Variants in RASGEF1C observed in about 807,000 individuals in gnomAD.
RASGEF1C encodes ras-GEF domain-containing family member 1C.
In RASGEF1C, 27 loss-of-function variants were observed where a neutral mutation model predicts 58.1. That is an observed-to-expected ratio of 0.46 (90% confidence interval 0.34 to 0.64). RASGEF1C has a LOEUF of 0.64. RASGEF1C is among the 30% of genes least tolerant of loss of function. RASGEF1C has a pLI of 0.01. For missense variants in RASGEF1C, 502 were observed against 605.1 expected (o/e 0.83, Z 1.79); for synonymous variants, 243 against 246.3 (o/e 0.99, Z 0.13).
chr5:180,147,223 T>C (rs1766672084), intron 1 of RASGEF1C, among the ~76,000 whole-genome samples: 1 of 151,312 alleles, frequency 6.6e-6, no homozygotes, highest in Non-Finnish European at 1.5e-5. Flanking sequence ...TAAAGGTTTG[T>C]CAATTTTGTT....
intron 1 of RASGEF1C, among the ~76,000 whole-genome samples, chr5:180,161,263 G>C (rs1766939243): frequency 6.6e-6 from 1 of 152,234 alleles, no homozygotes; most frequent in African/African-American, 2.4e-5. Context: ...CTGAGGACGT[G>C]GGCTGCAGTG....
rs540779520 is a variant in RASGEF1C at position 180,121,296 on chromosome 5, C to G, written c.715-147G>C. The G allele has an allele frequency of 6.7e-6, 4 of 599,104 alleles. No homozygotes were observed. In the South Asian group the frequency reaches 8.6e-5, roughly 13 times the overall value. 37.1% of individuals were successfully genotyped at this position (599,104 alleles called of 1,614,324 possible). A position where few individuals can be genotyped will look rare whatever the true frequency, so the allele number is the denominator to read the frequency against. The stretch of plus-strand genomic sequence containing the variant: ...AAATACCAAAGATTTGGTATGTACG[C>G]TTTCAGTCCTCTTAAAAGTACATTT... On this transcript the variant is annotated intron_variant, in intron 6 of 13. Transcript: ENST00000361132.
chr5:180,175,968 A>T (rs1767218846), intron 1 of RASGEF1C, among the ~76,000 whole-genome samples: 1 of 152,244 alleles, frequency 6.6e-6, no homozygotes, highest in East Asian at 1.9e-4. Flanking sequence ...AGCCTGGGCG[A>T]CAGAGCGGGA....
At position 180,137,994 on chromosome 5, in the gene RASGEF1C, G is replaced by T; in HGVS notation, c.59C>A (p.Pro20His). 6.3e-7 allele frequency: 1 copy of T among 1,581,672 alleles called. No homozygotes were observed. The highest frequency in any genetic ancestry group is 8.5e-7 in the Non-Finnish European group (1 of 1,169,604). The change falls in exon 2 of 14, where the codon CCC becomes CAC. Residue 20 changes from proline to histidine, a missense_variant. Pro to His is a moderately conservative substitution (Grantham distance 77). Transcript: ENST00000361132. The surrounding 1 kb of genome is among the most constrained non-coding windows in gnomAD (Gnocchi z 4.1). ...MVTPGSLSPP[P>H]TEPTDGEQAG... ...CTGTTCGCCATCTGTGGGCTCGGTGGGGGGTGGGCTGAGGCTGCCTGGGGT... is the reference window on the plus strand; with the variant it reads ...CTGTTCGCCATCTGTGGGCTCGGTGTGGGGTGGGCTGAGGCTGCCTGGGGT...
intron 1 of RASGEF1C, among the ~76,000 whole-genome samples, chr5:180,170,308 G>T (rs377395438): frequency 6.6e-6 from 1 of 152,128 alleles, no homozygotes; most frequent in Non-Finnish European, 1.5e-5. Flanking sequence ...CCATAGGGCC[G>T]CCAGCCAGGA....
chr5:180,195,980 A>G (rs1414802744), intron 1 of RASGEF1C, among the ~76,000 whole-genome samples: 1 of 152,130 alleles, frequency 6.6e-6, no homozygotes, highest in African/African-American at 2.4e-5. Flanking sequence ...ATGGTGTACA[A>G]TGTGATGTTT....
chr5:180,104,558 A>G (rs1445089052), intron 12 of RASGEF1C, among the ~76,000 whole-genome samples: 1 of 152,152 alleles, frequency 6.6e-6, no homozygotes, highest in African/African-American at 2.4e-5. Context: ...TACCCAGTCT[A>G]AGGTATTTTG....
chr5:180,190,592 T>C (rs1356281929), intron 1 of RASGEF1C, among the ~76,000 whole-genome samples: 1 of 147,098 alleles, frequency 6.8e-6, no homozygotes. Flanking sequence ...AGTAGGAGAA[T>C]TGCTGAGCAA....
intron 1 of RASGEF1C, among the ~76,000 whole-genome samples, chr5:180,173,806 G>A (rs761947401): frequency 2.0e-5 from 3 of 151,998 alleles, no homozygotes; most frequent in Admixed American, 2.0e-4. Flanking sequence ...CCAGCTGCTA[G>A]GGAGGCTGAG....
chr5:180,171,851 G>C (rs1227149672), intron 1 of RASGEF1C, among the ~76,000 whole-genome samples: 1 of 152,190 alleles, frequency 6.6e-6, no homozygotes, highest in Non-Finnish European at 1.5e-5. Flanking sequence ...GACCTGCTCG[G>C]CAGCCAGGGT....
At chr5:180,194,743 G>A (rs932558741) in intron 1 of RASGEF1C, among the ~76,000 whole-genome samples, 2 of 152,178 alleles carry the variant, frequency 1.3e-5, no homozygotes, top group Non-Finnish European at 2.9e-5. Context: ...ACGGGAGTAC[G>A]TCACAGGAGA....
At chr5:180,147,277 T>G (rs1766672874) in intron 1 of RASGEF1C, among the ~76,000 whole-genome samples, 1 of 150,578 alleles carries the variant, frequency 6.6e-6, no homozygotes, top group African/African-American at 2.4e-5. Flanking sequence ...AATTTTTTTC[T>G]ATTGTTTTTC....
chr5:180,109,230 G>T (rs567367457), intron 12 of RASGEF1C, among the ~76,000 whole-genome samples: 1 of 152,292 alleles, frequency 6.6e-6, no homozygotes, highest in African/African-American at 2.4e-5. Flanking sequence ...GCTGAGGCGG[G>T]TGGATCATGA....
intron 1 of RASGEF1C, among the ~76,000 whole-genome samples, chr5:180,181,834 T>C (rs1767334192): frequency 6.6e-6 from 1 of 152,330 alleles, no homozygotes; most frequent in East Asian, 1.9e-4. Flanking sequence ...GCAGGATGTC[T>C]TCATGCTATA....
At chr5:180,193,836 GCAGA>G (rs140087186) in intron 1 of RASGEF1C, among the ~76,000 whole-genome samples, 10,443 of 152,128 alleles carry the variant, frequency 0.069, 447 homozygotes, top group East Asian at 0.22. Flanking sequence ...TGAAGTTTAC[GCAGA>G]CAAAGTCCCC....
intron 1 of RASGEF1C, 42 bp from the exon 2 acceptor site, chr5:180,138,100 C>A: frequency 7.8e-7 from 1 of 1,276,264 alleles, no homozygotes; most frequent in Non-Finnish European, 1.1e-6. Flanking sequence ...TGGGGGCACA[C>A]CTGAGTTGGG....
intron 9 of RASGEF1C, 32 bp from the exon 10 acceptor site, chr5:180,118,736 T>C (rs900570931): frequency 6.8e-6 from 11 of 1,613,852 alleles, no homozygotes; most frequent in African/African-American, 1.3e-5. Flanking sequence ...TGTGGGCAGT[T>C]CTGTCCAGGG....
intron 11 of RASGEF1C, among the ~76,000 whole-genome samples, chr5:180,113,320 G>T (rs1582261666): frequency 4.7e-5 from 3 of 64,158 alleles, no homozygotes; most frequent in African/African-American, 6.3e-5. Context: ...ATGGACGGAG[G>T]GACCGGGGAT....
chr5:180,176,998 C>G (rs924091467), intron 1 of RASGEF1C, among the ~76,000 whole-genome samples: 1 of 152,220 alleles, frequency 6.6e-6, no homozygotes, highest in Admixed American at 6.5e-5. Flanking sequence ...GACAGGGCCC[C>G]TGGCCTGGCC....
Sources: gnomAD v4.1 joint callset for allele counts (sites outside exome capture counted in the v4.1 genomes callset) on GRCh38, gnomAD v4.1.1 for gene constraint, Gnocchi (gnomAD v3.1) non-coding constraint, MANE v1.5 for transcripts, NCBI Gene and HGNC (gene_info 2026-07-23, HGNC 2026-07-21) for gene names.